Variants in CLTC observed in about 807,000 individuals in gnomAD.
CLTC encodes clathrin heavy chain, also known as clathrin heavy chain 1.
CLTC carries 16 observed loss-of-function variants against 195.8 expected under a neutral mutation model. The observed-to-expected ratio is 0.08, with a 90% confidence interval of 0.06 to 0.12. The LOEUF is 0.12. Ranked by LOEUF, CLTC falls within the 10% of genes least tolerant of loss-of-function variation. The probability of loss-of-function intolerance (pLI) is 1.00; values close to 1 mark genes in which losing one functional copy is unlikely to be tolerated. For missense variants in CLTC, 796 were observed against 2,027.0 expected, an observed-to-expected ratio of 0.39 and a Z score of 11.66; for synonymous variants, 667 against 689.4, an observed-to-expected ratio of 0.97 and a Z score of 0.51.
Position 59,682,309 on chromosome 17 carries a change from C to G in CLTC, c.3481C>G (p.Arg1161Gly). 1 of 1,613,912 alleles carries G rather than the reference C, an allele frequency of 6.2e-7. No homozygotes were observed. Among genetic ancestry groups the G allele is most frequent in the East Asian group, 2.2e-5 (1 of 44,866 alleles). The change falls in exon 22 of 32, where the codon CGT (arginine) becomes GGT (glycine). Residue 1161 changes from arginine (R) to glycine (G), a missense_variant. Transcript: ENST00000269122. This position sits in a 1 kb window ranked among gnomAD's most constrained non-coding sequence, Gnocchi z 6.8. ...ACTGGTGAAGTACTTGCAGATGGCCCGTAAGAAGGCTCGAGAGTCCTATGT... is the reference window on the plus strand; with the variant it reads ...ACTGGTGAAGTACTTGCAGATGGCCGGTAAGAAGGCTCGAGAGTCCTATGT... ...EELVKYLQMA[R>G]KKARESYVET...
intron 30 of CLTC, chr17:59,689,592 A>G (rs2033254299): frequency 6.6e-6 from 1 of 152,226 alleles, no homozygotes. Context: ...AGTTTTACTT[A>G]GGTATAATGA....
chr17:59,678,936 A>G (rs973155610), intron 17 of CLTC, among the ~76,000 whole-genome samples: 2 of 152,200 alleles, frequency 1.3e-5, no homozygotes, highest in Admixed American at 6.5e-5. Flanking sequence ...CAGGAGGTCA[A>G]TGTTGCAGTG....
chr17:59,665,023 A>G (rs961083366), intron 10 of CLTC, 114 bp downstream of exon 10: 3 of 1,368,130 alleles, frequency 2.2e-6, no homozygotes, highest in Non-Finnish European at 3.0e-6. Context: ...CCAAGAATTC[A>G]AGACCAGTCT....
intron 5 of CLTC, 64 bp downstream of exon 5, chr17:59,651,380 ACTATT>A: frequency 2.9e-6 from 3 of 1,052,298 alleles, no homozygotes; most frequent in Non-Finnish European, 4.4e-6. Flanking sequence ...TAACCCAAAG[ACTATT>A]CATGGTAGAT....
At chr17:59,657,005 G>A (rs953945045) in intron 6 of CLTC, among the ~76,000 whole-genome samples, 1 of 152,038 alleles carries the variant, frequency 6.6e-6, no homozygotes, top group Non-Finnish European at 1.5e-5. Flanking sequence ...TTTACCAGGA[G>A]CTATGTTAAT....
intron 2 of CLTC, 55 bp downstream of exon 2, chr17:59,644,538 TG>T (rs2032134618): frequency 7.2e-7 from 1 of 1,382,526 alleles, no homozygotes; most frequent in Non-Finnish European, 9.8e-7. Context: ...TGTTTTTTTT[TG>T]TTTTTTTTTT....
At chr17:59,640,238 T>C (rs1489744408) in intron 1 of CLTC, among the ~76,000 whole-genome samples, 2 of 152,202 alleles carry the variant, frequency 1.3e-5, no homozygotes, top group African/African-American at 4.8e-5. Context: ...CTTTGGCATA[T>C]TTCTCTTTTG....
In CLTC at chr17:59,682,507, A is replaced by G. The variant is rs2033100722; in HGVS notation, c.3600+79A>G. ...GGTAGGATCAAAACATCATAACTGA[A>G]GAATTCCAAGGAAAAATCTATAGGA... On this transcript the variant is annotated intron_variant, in intron 22 of 31. Transcript: ENST00000269122. This position sits in a 1 kb window ranked among gnomAD's most constrained non-coding sequence, Gnocchi z 6.8. 1.3e-6 allele frequency: 2 copies of G among 1,583,482 alleles called. No homozygotes were observed. Among genetic ancestry groups the G allele is most frequent in the African/African-American group, 1.4e-5 (1 of 73,694 alleles).
intron 16 of CLTC, among the ~76,000 whole-genome samples, chr17:59,675,996 A>G (rs1029862816): frequency 3.9e-5 from 6 of 152,240 alleles, no homozygotes; most frequent in African/African-American, 1.4e-4. Flanking sequence ...TATAGCCAAA[A>G]TAACGAATAA....
At chr17:59,667,037 C>A in intron 13 of CLTC, 60 bp downstream of exon 13, 1 of 1,378,494 alleles carries the variant, frequency 7.3e-7, no homozygotes, top group Non-Finnish European at 1.0e-6. Flanking sequence ...AAGAGGTATG[C>A]TTATGATCAG....
chr17:59,630,931 C>G (rs778247735), intron 1 of CLTC, among the ~76,000 whole-genome samples: 1 of 152,190 alleles, frequency 6.6e-6, no homozygotes, highest in African/African-American at 2.4e-5. Flanking sequence ...AGTGGAATTG[C>G]TGGGTCATAT....
At position 59,682,520 on chromosome 17, in the gene CLTC, A is replaced by C. The variant is rs371045264; in HGVS notation, c.3600+92A>C. ...CATCATAACTGAAGAATTCCAAGGA[A>C]AAATCTATAGGAAAACAAATTCTTT... On this transcript the variant is annotated intron_variant, in intron 22 of 31. Coordinates refer to ENST00000269122, the MANE Select transcript of CLTC (RefSeq NM_004859.4). This position sits in a 1 kb window ranked among gnomAD's most constrained non-coding sequence, Gnocchi z 6.8. 7 of 1,580,832 alleles carry C rather than the reference A, an allele frequency of 4.4e-6. No individual in the cohort carries two copies. In the East Asian group the frequency reaches 9.0e-5, roughly 20 times the overall value.
At chr17:59,627,090 G>C (rs1002092211) in intron 1 of CLTC, among the ~76,000 whole-genome samples, 24 of 151,952 alleles carry the variant, frequency 1.6e-4, no homozygotes, top group African/African-American at 4.4e-4. Context: ...TTGTAGAGTC[G>C]GGGTTTTGCC....
chr17:59,685,042 T>TC lies in CLTC; in HGVS notation c.4435-14_4435-13insC. 1.6e-6 allele frequency: 1 copy of TC among 618,014 alleles called. No homozygotes were observed. The highest frequency in any genetic ancestry group is 2.2e-6 in the Non-Finnish European group (1 of 446,768). 38.3% of individuals were successfully genotyped at this position (618,014 alleles called of 1,614,324 possible). On this transcript the variant is annotated splice_polypyrimidine_tract_variant and intron_variant, in intron 28 of 31. Coordinates refer to ENST00000269122, the MANE Select transcript of CLTC (RefSeq NM_004859.4). The surrounding 1 kb of genome is among the most constrained non-coding windows in gnomAD (Gnocchi z 5.0). ...AATACTGATCTGGCATTTGGATGGC[T>TC]TTTTTTTTTTAAGGCTCTGCGAACA...
intron 1 of CLTC, among the ~76,000 whole-genome samples, chr17:59,631,988 T>G (rs1337926756): frequency 7.0e-6 from 1 of 142,350 alleles, no homozygotes; most frequent in Non-Finnish European, 1.6e-5. Flanking sequence ...AAAAAAAAGA[T>G]TTTAGTTTAG....
At chr17:59,644,654 G>A (rs1195462906) in intron 2 of CLTC, among the ~76,000 whole-genome samples, 171 bp downstream of exon 2, 1 of 151,796 alleles carries the variant, frequency 6.6e-6, no homozygotes, top group Non-Finnish European at 1.5e-5. Context: ...AGGTTCAAGC[G>A]ATTCTCTTGC....
chr17:59,640,980 G>A (rs1310113284), intron 1 of CLTC, among the ~76,000 whole-genome samples: 1 of 151,598 alleles, frequency 6.6e-6, no homozygotes, highest in Non-Finnish European at 1.5e-5. Flanking sequence ...TTAGCTGGAC[G>A]TGGTGGTGCA....
chr17:59,678,163 G>A (rs2033006379), intron 17 of CLTC, among the ~76,000 whole-genome samples: 1 of 152,168 alleles, frequency 6.6e-6, no homozygotes, highest in Admixed American at 6.5e-5. Flanking sequence ...TTTCCACCCA[G>A]AGTACTGCTT....
intron 5 of CLTC, among the ~76,000 whole-genome samples, chr17:59,652,275 C>T (rs1185213912): frequency 2.0e-5 from 3 of 152,168 alleles, no homozygotes; most frequent in African/African-American, 7.2e-5. Context: ...TTGACTTCCT[C>T]CCATGAATCA....
Sources: allele counts gnomAD v4.1 joint callset (sites outside exome capture counted in the v4.1 genomes callset), GRCh38; gene constraint gnomAD v4.1.1; non-coding constraint Gnocchi (gnomAD v3.1); transcripts MANE v1.5; gene names NCBI Gene and HGNC (gene_info 2026-07-23, HGNC 2026-07-21).